EIF4E1B: variants seen among roughly 807,000 people sequenced by gnomAD.
EIF4E1B encodes the protein eukaryotic translation initiation factor 4E type 1B.
Under a neutral mutation model 31.3 loss-of-function variants are expected in EIF4E1B, and 22 were observed. That is an observed-to-expected ratio of 0.70 (90% CI 0.50 to 1.00). EIF4E1B has a LOEUF of 1.00. Ranked by LOEUF, EIF4E1B falls within the 50% of genes least tolerant of loss-of-function variation. The pLI is 0.00. For synonymous variants in EIF4E1B, 126 were observed against 120.2 expected, an observed-to-expected ratio of 1.05 and a Z score of -0.31; for missense variants, 290 against 311.6, an observed-to-expected ratio of 0.93 and a Z score of 0.52.
chr5:176,634,526 A>G (rs927079205), intron 1 of EIF4E1B, among the ~76,000 whole-genome samples: 2 of 152,180 alleles, frequency 1.3e-5, no homozygotes, highest in East Asian at 3.8e-4. Context: ...AGCACAGATA[A>G]TAGTAAAATA....
chr5:176,645,835 C>A lies in EIF4E1B; in HGVS notation c.615-31C>A. On this transcript the variant is annotated intron_variant, in intron 8 of 8. Transcript: ENST00000318682. The surrounding 1 kb of genome is among the most constrained non-coding windows in gnomAD (Gnocchi z 5.4). ...AGGACCCTCTGATGACTACCTGTGT[C>A]TCTTTTCCTCTGTGTCCCCCGCACC... is the stretch of plus-strand genomic sequence containing the variant. The A allele has an allele frequency of 1.3e-6, 2 of 1,532,598 alleles. No homozygotes were observed. The highest frequency in any genetic ancestry group is 1.2e-5 in the South Asian group (1 of 83,164). 94.9% of individuals were successfully genotyped at this position (1,532,598 alleles called of 1,614,324 possible). A position where few individuals can be genotyped will look rare whatever the true frequency, so the allele number is the denominator to read the frequency against.
chr5:176,644,531 G>T (rs1332391699), intron 6 of EIF4E1B, 92 bp downstream of exon 6: 4 of 1,294,626 alleles, frequency 3.1e-6, no homozygotes, highest in African/African-American at 1.5e-5. Context: ...AGGGGTGGGG[G>T]TGGGGAGCTA....
chr5:176,639,150 C>A (rs991019861), intron 1 of EIF4E1B, among the ~76,000 whole-genome samples: 1 of 152,012 alleles, frequency 6.6e-6, no homozygotes, highest in Non-Finnish European at 1.5e-5. Context: ...TTTAAATGAT[C>A]CCCCCGAGGA....
rs1472249083 is a variant in EIF4E1B, at chr5:176,646,633, C to T, written c.*653C>T. On this transcript the variant is annotated 3_prime_UTR_variant, in exon 9 of 9. Transcript: ENST00000318682. ...TTTCTGTTCCTGTTTTAAATAAATA[C>T]TTCTGAACAAAGTTGGAATTATTTT... is the stretch of plus-strand genomic sequence containing the variant. 6.6e-6 allele frequency: 1 copy of T among 152,292 alleles called. No homozygotes were observed. The highest frequency in any genetic ancestry group is 6.5e-5 in the Admixed American group (1 of 15,286). The allele number at this position is 152,292 out of a possible 1,614,324, so 9.4% of individuals were successfully genotyped here.
intron 1 of EIF4E1B, among the ~76,000 whole-genome samples, chr5:176,639,378 C>G (rs1471468045): frequency 6.6e-6 from 1 of 152,198 alleles, no homozygotes; most frequent in Admixed American, 6.5e-5. Flanking sequence ...CATAGACAGA[C>G]TTGGAAGGGC....
chr5:176,644,081 A>G, intron 5 of EIF4E1B: 1 of 552,206 alleles, frequency 1.8e-6, no homozygotes, highest in Non-Finnish European at 3.2e-6. Context: ...GGCTCTGAAA[A>G]GGGCTACACA....
intron 1 of EIF4E1B, among the ~76,000 whole-genome samples, chr5:176,635,340 A>T (rs1365293057): frequency 6.6e-6 from 1 of 152,052 alleles, no homozygotes; most frequent in Non-Finnish European, 1.5e-5. Flanking sequence ...GTGACTGGGG[A>T]GCTGAATAGC....
rs1055259365 is a variant in EIF4E1B, at chr5:176,638,704, C to T, written c.-201-3339C>T. On this transcript the variant is annotated intron_variant, in intron 1 of 8. Transcript: ENST00000318682. This position sits in a 1 kb window ranked among gnomAD's most constrained non-coding sequence, Gnocchi z 4.3. The stretch of plus-strand genomic sequence containing the variant: ...GTGCTCAGGGCATGGGAGGCTGGAT[C>T]GCCTAAGAACCTTGCAAGCCCAGGA... 2.0e-4 allele frequency among the ~76,000 whole-genome samples: 30 copies of T among 152,216 alleles called. No homozygotes were observed. Among genetic ancestry groups the T allele is most frequent in the African/African-American group, 5.8e-4 (24 of 41,448 alleles).
chr5:176,644,816 C>G (rs1760661179), intron 6 of EIF4E1B, among the ~76,000 whole-genome samples: 1 of 152,218 alleles, frequency 6.6e-6, no homozygotes, highest in African/African-American at 2.4e-5. Flanking sequence ...TGCAGCCAAG[C>G]CTGGGATGTC....
In EIF4E1B at chr5:176,645,672, T is replaced by C. The variant is rs1048835945; in HGVS notation, c.614+156T>C. On this transcript the variant is annotated intron_variant, in intron 8 of 8. Transcript: ENST00000318682. The surrounding 1 kb of genome is among the most constrained non-coding windows in gnomAD (Gnocchi z 5.4). ...TGTATGGAAGGTCTGGCGTTCAGAT[T>C]TCTAACTTTCTCTTACGGCAGTGCA... The C allele has an allele frequency of 3.2e-5, 40 of 1,243,938 alleles. No homozygotes were observed. Among genetic ancestry groups the C allele is most frequent in the Non-Finnish European group, 3.8e-5 (35 of 921,010 alleles). The allele number at this position is 1,243,938 out of a possible 1,614,324, so 77.1% of individuals were successfully genotyped here.
intron 3 of EIF4E1B, 63 bp downstream of exon 3, chr5:176,642,865 C>CCGG (rs56115420): frequency 2.8e-5 from 33 of 1,172,984 alleles, no homozygotes; most frequent in African/African-American, 6.9e-5. Flanking sequence ...CCCCCCCCCC[C>CCGG]GCCCCAGGTG....
At chr5:176,642,865 C>CCCCCTCG in intron 3 of EIF4E1B, 63 bp downstream of exon 3, 2 of 1,169,744 alleles carry the variant, frequency 1.7e-6, no homozygotes, top group Admixed American at 6.0e-5. Flanking sequence ...CCCCCCCCCC[C>CCCCCTCG]GCCCCAGGTG....
In EIF4E1B at chr5:176,646,301, G is replaced by C. The variant is rs905690941; in HGVS notation, c.*321G>C. On this transcript the variant is annotated 3_prime_UTR_variant, in exon 9 of 9. Coordinates refer to ENST00000318682, the MANE Select transcript of EIF4E1B (RefSeq NM_001099408.2). ...AGAAACCCATAGTCCAGCGTTTACT[G>C]TTTCCACCCAGGAAGGAGGTGAGGT... 4 of 267,544 alleles carry C rather than the reference G, an allele frequency of 1.5e-5. No homozygotes were observed. The Admixed American group carries it at 1.8e-4, about 12-fold the overall frequency. 16.6% of individuals were successfully genotyped at this position (267,544 alleles called of 1,614,324 possible). A position where few individuals can be genotyped will look rare whatever the true frequency, so the allele number is the denominator to read the frequency against.
Position 176,638,615 on chromosome 5 carries a change from C to T in EIF4E1B, c.-201-3428C>T, listed in dbSNP as rs1760531114. Among the ~76,000 whole-genome samples, 1 of 152,180 alleles carries T rather than the reference C, an allele frequency of 6.6e-6. No homozygotes were observed. The highest frequency in any genetic ancestry group is 1.9e-4 in the East Asian group (1 of 5,204). ...CAAGGAGAAGTTCTGTAAAAAGTTG[C>T]AGAGGAAACTGCAAGTGCAAAGGCC... On this transcript the variant is annotated intron_variant, in intron 1 of 8. Transcript: ENST00000318682. This position sits in a 1 kb window ranked among gnomAD's most constrained non-coding sequence, Gnocchi z 4.3.
In EIF4E1B at chr5:176,632,039, G is replaced by T. The variant is rs188821753; in HGVS notation, c.-202+975G>T. ...CATGGGAGTGTGCCAAGATGTGGTGGTAAGTGTGAGAAGCAAGGTGCCAAA... is the reference window on the plus strand; with the variant it reads ...CATGGGAGTGTGCCAAGATGTGGTGTTAAGTGTGAGAAGCAAGGTGCCAAA... On this transcript the variant is annotated intron_variant, in intron 1 of 8. Coordinates refer to ENST00000318682, the MANE Select transcript of EIF4E1B (RefSeq NM_001099408.2). 9.9e-5 allele frequency among the ~76,000 whole-genome samples: 15 copies of T among 152,274 alleles called. 1 individual carries two copies. The South Asian group carries it at 3.1e-3, about 32-fold the overall frequency.
intron 1 of EIF4E1B, among the ~76,000 whole-genome samples, chr5:176,641,158 A>G (rs1330228991): frequency 6.6e-6 from 1 of 151,952 alleles, no homozygotes; most frequent in African/African-American, 2.4e-5. Flanking sequence ...ACCTCTACAA[A>G]ATAAAACAAA....
At chr5:176,643,355 C>A in intron 4 of EIF4E1B, 89 bp downstream of exon 4, 1 of 1,460,886 alleles carries the variant, frequency 6.8e-7, no homozygotes, top group Non-Finnish European at 9.3e-7. Context: ...CCCCGCCTCT[C>A]TTGGCCCTAG....
rs754894044 is a variant in EIF4E1B at position 176,645,223 on chromosome 5, G to C, written c.454G>C (p.Asp152His). ...CAAGCAGCAGCGCCACATTGAGCTG[G>C]ACCGGCTGTGGCTGGAGACGGTGAG... ...LAKQQRHIEL[D>H]RLWLETLLCL... The change falls in exon 7 of 9, where the codon GAC (aspartate) becomes CAC (histidine). Residue 152 changes from aspartate to histidine, a missense_variant. Coordinates refer to ENST00000318682, the MANE Select transcript of EIF4E1B (RefSeq NM_001099408.2). The surrounding 1 kb of genome is among the most constrained non-coding windows in gnomAD (Gnocchi z 5.4). The C allele has an allele frequency of 6.3e-7, 1 of 1,594,702 alleles. No homozygotes were observed. The highest frequency in any genetic ancestry group is 8.5e-7 in the Non-Finnish European group (1 of 1,170,792).
In EIF4E1B at chr5:176,644,258, G is replaced by T. The variant is rs1234203696; in HGVS notation, c.297-118G>T. 3 of 1,040,120 alleles carry T rather than the reference G, an allele frequency of 2.9e-6. No individual in the cohort carries two copies. In the African/African-American group the frequency reaches 4.8e-5, roughly 17 times the overall value. 64.4% of individuals were successfully genotyped at this position (1,040,120 alleles called of 1,614,324 possible). A position where few individuals can be genotyped will look rare whatever the true frequency, so the allele number is the denominator to read the frequency against. On this transcript the variant is annotated intron_variant, in intron 5 of 8. Coordinates refer to ENST00000318682, the MANE Select transcript of EIF4E1B (RefSeq NM_001099408.2). The stretch of plus-strand genomic sequence containing the variant: ...GAGTGGAATCCCAGGTGGCAGGCCA[G>T]TGTAAGCAAAGGCTTGGAGGCCATG...
Sources: allele counts gnomAD v4.1 joint callset (sites outside exome capture counted in the v4.1 genomes callset), GRCh38; gene constraint gnomAD v4.1.1; non-coding constraint Gnocchi (gnomAD v3.1); transcripts MANE v1.5; gene names NCBI Gene and HGNC (gene_info 2026-07-23, HGNC 2026-07-21).